The following CENPT variants were observed in gnomAD, a reference collection of about 807,000 sequenced individuals.
The protein encoded by CENPT is centromere protein T.
CENPT carries 42 observed loss-of-function variants against 59.7 expected under a neutral mutation model. The observed-to-expected ratio is 0.70, with a 90% confidence interval of 0.55 to 0.91. The LOEUF is 0.91. Among genes scored for constraint, CENPT ranks in the 40% least tolerant of loss-of-function variants. CENPT has a pLI of 0.00. For synonymous variants in CENPT, 295 were observed against 289.6 expected (o/e 1.02, Z -0.19); for missense variants, 716 against 713.4 (o/e 1.00, Z -0.04).
chr16:67,831,197 G>A lies in CENPT; in HGVS notation c.703+19C>T, dbSNP rs1387012125. On this transcript the variant is annotated intron_variant, in intron 10 of 15. Transcript: ENST00000562787. ...GGAGAGCTTTCCCCAAAGGCCAGCA[G>A]GGGAAAACCCAACCTTACTTGGAGG... 6.2e-7 allele frequency: 1 copy of A among 1,613,732 alleles called. No homozygotes were observed. The highest frequency in any genetic ancestry group is 8.5e-7 in the Non-Finnish European group (1 of 1,179,942).
At chr16:67,841,556 T>C (rs1344752038) in intron 1 of CENPT, 2 of 152,050 alleles carry the variant, frequency 1.3e-5, no homozygotes, top group Non-Finnish European at 2.9e-5. Context: ...TTAATTCCTT[T>C]GGAGCGATTA....
Position 67,828,632 on chromosome 16 carries a change from G to C in CENPT, c.1457+35C>G, listed in dbSNP as rs780832457. 5 of 1,613,724 alleles carry C rather than the reference G, an allele frequency of 3.1e-6. No individual in the cohort carries two copies. In the South Asian group the frequency reaches 3.3e-5, roughly 11 times the overall value. Reference sequence around the variant, plus strand: ...TGAACAGTCTGATCATGACCCGAGGGGTTCCTCTCCCTACCCCATGTGCCC... The same window carrying C: ...TGAACAGTCTGATCATGACCCGAGGCGTTCCTCTCCCTACCCCATGTGCCC... On this transcript the variant is annotated intron_variant, in intron 14 of 15. Coordinates refer to ENST00000562787, the MANE Select transcript of CENPT (RefSeq NM_025082.4).
At chr16:67,828,444 C>G (rs774313767) in intron 15 of CENPT, 30 bp downstream of exon 15, 2 of 1,613,936 alleles carry the variant, frequency 1.2e-6, no homozygotes, top group Non-Finnish European at 1.7e-6. Context: ...ACTCCCCCAG[C>G]CAGCACCCCC....
At position 67,833,878 on chromosome 16, in the gene CENPT, TC is replaced by T; in HGVS notation, c.-20del. The T allele has an allele frequency of 6.8e-7, 1 of 1,463,046 alleles. No individual in the cohort carries two copies. The highest frequency in any genetic ancestry group is 1.4e-5 in the South Asian group (1 of 72,940). The allele number at this position is 1,463,046 out of a possible 1,614,324, so 90.6% of individuals were successfully genotyped here. On this transcript the variant is annotated 5_prime_UTR_variant, in exon 4 of 16. Transcript: ENST00000562787. ...CAGCCATCGTCTCGGCCCCGGGCCC[TC>T]CTAACCGCCCAGCCAGCTGCAGGCT...
chr16:67,841,193 CAAAAAAAAA>C (rs772893427), intron 1 of CENPT, among the ~76,000 whole-genome samples: 549 of 27,572 alleles, frequency 0.02, 3 homozygotes, highest in African/African-American at 0.049. Flanking sequence ...GACTCCTTTA[CAAAAAAAAA>C]AAAAAAAAAA....
rs551615464 is a variant in CENPT, at chr16:67,828,195, G to A, written c.*72C>T. On this transcript the variant is annotated 3_prime_UTR_variant, in exon 16 of 16. Transcript: ENST00000562787. ...ACTTTATTGATGCTGGGGGGGTGGG[G>A]AGGAGACCTGGAGAAATATGTGGGG... The A allele has an allele frequency of 5.4e-6, 8 of 1,489,552 alleles. No homozygotes were observed. The African/African-American group carries it at 7.0e-5, about 13-fold the overall frequency. The allele number at this position is 1,489,552 out of a possible 1,614,324, so 92.3% of individuals were successfully genotyped here. A position where few individuals can be genotyped will look rare whatever the true frequency, so the allele number is the denominator to read the frequency against.
At chr16:67,837,168 C>A (rs967816288) in intron 1 of CENPT, among the ~76,000 whole-genome samples, 2 of 151,710 alleles carry the variant, frequency 1.3e-5, no homozygotes, top group South Asian at 4.2e-4. Flanking sequence ...CCGTGCCTTG[C>A]CTTTTTTTTT....
chr16:67,836,815 C>T (rs896492894), intron 1 of CENPT, among the ~76,000 whole-genome samples: 7 of 151,084 alleles, frequency 4.6e-5, no homozygotes, highest in Admixed American at 4.0e-4. Context: ...TCAGGTGATC[C>T]GCCTGCCTCA....
chr16:67,828,962 C>T (rs1416270660), intron 13 of CENPT, 119 bp from the exon 14 acceptor site: 4 of 1,091,908 alleles, frequency 3.7e-6, no homozygotes, highest in Non-Finnish European at 3.8e-6. Flanking sequence ...CAGCCAGGAC[C>T]AGCAGCCCTG....
chr16:67,842,268 G>A lies in CENPT; in HGVS notation c.-492+5133C>T, dbSNP rs1232952417. 6.3e-6 allele frequency: 1 copy of A among 158,050 alleles called. No homozygotes were observed. The allele number at this position is 158,050 out of a possible 1,614,324, so 9.8% of individuals were successfully genotyped here. A position where few individuals can be genotyped will look rare whatever the true frequency, so the allele number is the denominator to read the frequency against. ...CGGAAGTGAGCCGCTTCTGGCGCGGGGCATTGTGGGGGGCGTAGTCTCTTT... is the reference window on the plus strand; with the variant it reads ...CGGAAGTGAGCCGCTTCTGGCGCGGAGCATTGTGGGGGGCGTAGTCTCTTT... On this transcript the variant is annotated intron_variant, in intron 1 of 15. Transcript: ENST00000562787. The surrounding 1 kb of genome is among the most constrained non-coding windows in gnomAD (Gnocchi z 4.9).
At chr16:67,845,984 T>C (rs1205867357) in intron 1 of CENPT, among the ~76,000 whole-genome samples, 1 of 152,226 alleles carries the variant, frequency 6.6e-6, no homozygotes. Context: ...AGGAGTTGCC[T>C]GGAGAGGCCT....
chr16:67,841,010 C>CATATATATAT lies in CENPT; in HGVS notation c.-491-5362_-491-5353dup, dbSNP rs66882634. Among the ~76,000 whole-genome samples the CATATATATAT allele has an allele frequency of 3.9e-3, 428 of 109,292 alleles. 2 individuals are homozygous for CATATATATAT. Among genetic ancestry groups the CATATATATAT allele is most frequent in the African/African-American group, 0.011 (322 of 28,292 alleles). The allele number at this position is 109,292 out of a possible 152,430, so 71.7% of individuals were successfully genotyped here. A position where few individuals can be genotyped will look rare whatever the true frequency, so the allele number is the denominator to read the frequency against. On this transcript the variant is annotated intron_variant, in intron 1 of 15. Transcript: ENST00000562787. ...CCCCGTCTCTACTAAATACAAAATACATATATATATATATATATATATATA... is the reference window on the plus strand; with the variant it reads ...CCCCGTCTCTACTAAATACAAAATACATATATATATATATATATATATATATATATATATA...
rs931793796 is a variant in CENPT, at chr16:67,837,979, A to G, written c.-491-2321T>C. Among the ~76,000 whole-genome samples the G allele has an allele frequency of 3.3e-5, 5 of 152,276 alleles. No homozygotes were observed. The East Asian group carries it at 9.7e-4, about 29-fold the overall frequency. ...TCAGATTTTCTCTGGCAGTCATGTG[A>G]AGAACAGATTGCAGGAGAGGCAAGA... On this transcript the variant is annotated intron_variant, in intron 1 of 15. Transcript: ENST00000562787.
At chr16:67,830,203 G>A (rs1160235985) in intron 11 of CENPT, 115 bp from the exon 12 acceptor site, 4 of 1,237,394 alleles carry the variant, frequency 3.2e-6, no homozygotes, top group Non-Finnish European at 4.6e-6. Context: ...GAAAGACAAA[G>A]CCAGAGGCAG....
At position 67,828,183 on chromosome 16, in the gene CENPT, T is replaced by TG. The variant is rs1001001176; in HGVS notation, c.*83dup. On this transcript the variant is annotated 3_prime_UTR_variant, in exon 16 of 16. Coordinates refer to ENST00000562787, the MANE Select transcript of CENPT (RefSeq NM_025082.4). Reference sequence around the variant, plus strand: ...TCTGTTTATGACACTTTATTGATGCTGGGGGGGTGGGGAGGAGACCTGGAG... The same window carrying TG: ...TCTGTTTATGACACTTTATTGATGCTGGGGGGGGTGGGGAGGAGACCTGGAG... 80 of 1,066,428 alleles carry TG rather than the reference T, an allele frequency of 7.5e-5. 1 individual carries two copies. In the Middle Eastern group the frequency reaches 1.5e-3, roughly 19 times the overall value. The allele number at this position is 1,066,428 out of a possible 1,614,324, so 66.1% of individuals were successfully genotyped here.
intron 1 of CENPT, chr16:67,841,476 C>T (rs2057760763): frequency 6.6e-6 from 1 of 152,276 alleles, no homozygotes; most frequent in Non-Finnish European, 1.5e-5. Flanking sequence ...CTACTTCTCC[C>T]TACCCAAGCT....
At position 67,843,804 on chromosome 16, in the gene CENPT, G is replaced by C. The variant is rs1404215247; in HGVS notation, c.-492+3597C>G. 2.9e-6 allele frequency: 1 copy of C among 347,858 alleles called. No homozygotes were observed. The highest frequency in any genetic ancestry group is 2.1e-5 in the African/African-American group (1 of 46,772). The allele number at this position is 347,858 out of a possible 1,614,324, so 21.5% of individuals were successfully genotyped here. A position where few individuals can be genotyped will look rare whatever the true frequency, so the allele number is the denominator to read the frequency against. ...ACTGAACTTGAAACTTACCCTCTAG[G>C]GATGCAGGTGGGATGTCCAGGGACT... is the stretch of plus-strand genomic sequence containing the variant. On this transcript the variant is annotated intron_variant, in intron 1 of 15. Coordinates refer to ENST00000562787, the MANE Select transcript of CENPT (RefSeq NM_025082.4). This position sits in a 1 kb window ranked among gnomAD's most constrained non-coding sequence, Gnocchi z 5.7.
chr16:67,842,846 G>A lies in CENPT; in HGVS notation c.-492+4555C>T, dbSNP rs931697176. 5.0e-6 allele frequency: 8 copies of A among 1,605,192 alleles called. No homozygotes were observed. The highest frequency in any genetic ancestry group is 6.8e-6 in the Non-Finnish European group (8 of 1,178,670). On this transcript the variant is annotated intron_variant, in intron 1 of 15. Coordinates refer to ENST00000562787, the MANE Select transcript of CENPT (RefSeq NM_025082.4). The surrounding 1 kb of genome is among the most constrained non-coding windows in gnomAD (Gnocchi z 4.9). ...AGTAGCGCGCAGACCCGCTGGGGCC[G>A]CGGCCGCCCGCCGCAGGCAGCAGCA...
chr16:67,842,134 A>C lies in CENPT; in HGVS notation c.-492+5267T>G, dbSNP rs2057765566. 6.6e-6 allele frequency: 1 copy of C among 152,468 alleles called. No homozygotes were observed. The highest frequency in any genetic ancestry group is 3.4e-3 in the Middle Eastern group (1 of 298). 9.4% of individuals were successfully genotyped at this position (152,468 alleles called of 1,614,324 possible). A position where few individuals can be genotyped will look rare whatever the true frequency, so the allele number is the denominator to read the frequency against. On this transcript the variant is annotated intron_variant, in intron 1 of 15. Transcript: ENST00000562787. The surrounding 1 kb of genome is among the most constrained non-coding windows in gnomAD (Gnocchi z 4.9). ...AGTCCAGGCGACAGCGTTCCAACCT[A>C]ATACGCCTCTCTCGCCCGCCGGGGA...
Sources: gnomAD v4.1 joint callset for allele counts (sites outside exome capture counted in the v4.1 genomes callset) on GRCh38, gnomAD v4.1.1 for gene constraint, Gnocchi (gnomAD v3.1) non-coding constraint, MANE v1.5 for transcripts, NCBI Gene and HGNC (gene_info 2026-07-23, HGNC 2026-07-21) for gene names.